Variants in ALPK2 observed in about 807,000 individuals in gnomAD.
ALPK2 encodes alpha-protein kinase 2.
ALPK2 carries 127 observed loss-of-function variants against 163.1 expected under a neutral mutation model. The ratio of observed to expected loss-of-function variants is 0.78; its 90% CI spans 0.67 to 0.90. The LOEUF (loss-of-function observed/expected upper bound fraction) is 0.90, where lower values mean the gene tolerates loss of function less well. Ranked by LOEUF, ALPK2 falls within the 40% of genes least tolerant of loss-of-function variation. The pLI is 0.00. For missense variants in ALPK2, 2,360 were observed against 2,589.6 expected, an observed-to-expected ratio of 0.91 and a Z score of 1.92; for synonymous variants, 953 against 959.1, an observed-to-expected ratio of 0.99 and a Z score of 0.12.
chr18:58,523,801 C>G lies in ALPK2; in HGVS notation c.5665+5G>C. 1 of 1,614,198 alleles carries G rather than the reference C, an allele frequency of 6.2e-7. No homozygotes were observed. Among genetic ancestry groups the G allele is most frequent in the Non-Finnish European group, 8.5e-7 (1 of 1,180,022 alleles). On this transcript the variant is annotated splice_donor_5th_base_variant and intron_variant, in intron 8 of 12. Coordinates refer to ENST00000361673, the MANE Select transcript of ALPK2 (RefSeq NM_052947.4). ...CCTCTGGCAGGTCAACCCTAACTGA[C>G]TTACCTTTAGTATCCTGGCGACTTG...
intron 1 of ALPK2, among the ~76,000 whole-genome samples, chr18:58,627,225 G>A (rs1378701802): frequency 6.6e-6 from 1 of 152,192 alleles, no homozygotes; most frequent in African/African-American, 2.4e-5. Context: ...AAAAACTCAT[G>A]AAACTGGAGG....
intron 3 of ALPK2, among the ~76,000 whole-genome samples, chr18:58,603,155 T>C (rs1483878926): frequency 6.6e-6 from 1 of 152,234 alleles, no homozygotes; most frequent in Non-Finnish European, 1.5e-5. Context: ...CTCCAAATTC[T>C]TTCTTGTGTG....
chr18:58,605,997 T>C (rs775311527), intron 3 of ALPK2, among the ~76,000 whole-genome samples: 1 of 152,256 alleles, frequency 6.6e-6, no homozygotes, highest in Non-Finnish European at 1.5e-5. Context: ...AATGGGTATC[T>C]CAAATGTTAG....
intron 12 of ALPK2, among the ~76,000 whole-genome samples, chr18:58,497,673 C>CA (rs201935796): frequency 5.3e-5 from 8 of 152,074 alleles, no homozygotes; most frequent in African/African-American, 1.4e-4. Context: ...CATTCAATTG[C>CA]AAAAAAAATT....
chr18:58,556,543 C>T (rs1421344300), intron 4 of ALPK2, among the ~76,000 whole-genome samples: 2 of 150,476 alleles, frequency 1.3e-5, no homozygotes, highest in African/African-American at 4.9e-5. Flanking sequence ...TACGTGTCAG[C>T]TGTTATTAGC....
intron 1 of ALPK2, among the ~76,000 whole-genome samples, chr18:58,614,662 C>T (rs1050943037): frequency 2.0e-5 from 3 of 147,870 alleles, no homozygotes; most frequent in African/African-American, 7.3e-5. Flanking sequence ...GGGCTCAAGC[C>T]ATCCTCCCAC....
At position 58,536,291 on chromosome 18, in the gene ALPK2, C is replaced by A. The variant is rs1416168848; in HGVS notation, c.3896G>T (p.Ser1299Ile). The change falls in exon 5 of 13, where the codon AGT becomes ATT. Residue 1299 changes from serine (S) to isoleucine (I), a missense_variant. Transcript: ENST00000361673. ...APSEIAALAH[S>I]PEDAESALAD... ...AAGGGCTGACTCAGCATCCTCTGGA[C>A]TGTGAGCCAATGCTGCTATTTCAGA... 1 of 1,614,216 alleles carries A rather than the reference C, an allele frequency of 6.2e-7. No individual in the cohort carries two copies. Among genetic ancestry groups the A allele is most frequent in the South Asian group, 1.1e-5 (1 of 91,078 alleles).
chr18:58,537,457 A>AT lies in ALPK2; in HGVS notation c.2729dup (p.Asn910LysfsTer32). ...AGGTGGAATTCTCCACCTTGGCTAG[A>AT]TTTTCTCCTGTGGCACCTTCACTAG... is the stretch of plus-strand genomic sequence containing the variant. On this transcript the variant is annotated frameshift_variant, in exon 5 of 13. Transcript: ENST00000361673. LOFTEE classifies it high-confidence loss of function. 8.1e-6 allele frequency: 13 copies of AT among 1,612,230 alleles called. No homozygotes were observed. The highest frequency in any genetic ancestry group is 1.1e-5 in the Non-Finnish European group (13 of 1,178,766).
rs777103869 is a variant in ALPK2, at chr18:58,578,733, G to GACACACACACGCGCGCGCAC, written c.1962+80_1962+81insGTGCGCGCGCGTGTGTGTGT. ...ATTGTGAATGTGAAGTAAAGGAAGAGACACACACACACACACACACACACA... is the reference window on the plus strand; with the variant it reads ...ATTGTGAATGTGAAGTAAAGGAAGAGACACACACACGCGCGCGCACACACACACACACACACACACACACA... On this transcript the variant is annotated intron_variant, in intron 4 of 12. Transcript: ENST00000361673. 9.3e-4 allele frequency: 496 copies of GACACACACACGCGCGCGCAC among 533,358 alleles called. 4 individuals are homozygous for GACACACACACGCGCGCGCAC. The African/African-American group carries it at 0.01, about 11-fold the overall frequency. The allele number at this position is 533,358 out of a possible 1,614,324, so 33.0% of individuals were successfully genotyped here. A position where few individuals can be genotyped will look rare whatever the true frequency, so the allele number is the denominator to read the frequency against.
chr18:58,538,318 C>A, intron 4 of ALPK2, 94 bp from the exon 5 acceptor site: 1 of 1,120,634 alleles, frequency 8.9e-7, no homozygotes, highest in Non-Finnish European at 1.3e-6. Context: ...TCCTCAATGA[C>A]CGTAATAATG....
chr18:58,601,708 A>T (rs1023533565), intron 3 of ALPK2, among the ~76,000 whole-genome samples: 2 of 152,072 alleles, frequency 1.3e-5, no homozygotes, highest in Non-Finnish European at 2.9e-5. Context: ...ACCACACTGG[A>T]CCTTCCAGCC....
At chr18:58,486,025 C>A (rs1337313149) in intron 12 of ALPK2, among the ~76,000 whole-genome samples, 1 of 152,232 alleles carries the variant, frequency 6.6e-6, no homozygotes, top group African/African-American at 2.4e-5. Flanking sequence ...CACTCCCTTG[C>A]CGGCAGGTGT....
chr18:58,573,489 C>T (rs1201870955), intron 4 of ALPK2, among the ~76,000 whole-genome samples: 3 of 148,194 alleles, frequency 2.0e-5, no homozygotes, highest in East Asian at 3.9e-4. Context: ...GCGAGTCCAA[C>T]GGCCTTGGAT....
At chr18:58,556,684 G>A (rs750784538) in intron 4 of ALPK2, among the ~76,000 whole-genome samples, 3 of 152,110 alleles carry the variant, frequency 2.0e-5, no homozygotes, top group Admixed American at 6.5e-5. Flanking sequence ...GAAATGCATG[G>A]TCTCAGGCTC....
At chr18:58,508,534 C>T (rs2051472931) in intron 10 of ALPK2, among the ~76,000 whole-genome samples, 1 of 152,188 alleles carries the variant, frequency 6.6e-6, no homozygotes. Flanking sequence ...TAAATCCTAC[C>T]AAAACCAAGA....
intron 12 of ALPK2, 76 bp from the exon 13 acceptor site, chr18:58,482,115 A>T: frequency 9.3e-7 from 1 of 1,079,222 alleles, no homozygotes; most frequent in Non-Finnish European, 1.4e-6. Flanking sequence ...AAAACTTGAA[A>T]GGGAAAACTA....
rs1877264298 is a variant in ALPK2, at chr18:58,616,619, G to A, written c.-20-4802C>T. On this transcript the variant is annotated intron_variant, in intron 1 of 12. Coordinates refer to ENST00000361673, the MANE Select transcript of ALPK2 (RefSeq NM_052947.4). ...GAACACGTGGAGGCTGACAGGAGGT[G>A]AAGAACTCATCCACACACTGGGAGG... Among the ~76,000 whole-genome samples the A allele has an allele frequency of 2.0e-5, 3 of 152,296 alleles. No homozygotes were observed. In the South Asian group the frequency reaches 6.2e-4, roughly 32 times the overall value.
chr18:58,587,773 T>TAA lies in ALPK2; in HGVS notation c.228-7227_228-7226dup, dbSNP rs936816916. Among the ~76,000 whole-genome samples the TAA allele has an allele frequency of 2.0e-4, 31 of 151,954 alleles. 1 individual carries two copies. The highest frequency in any genetic ancestry group is 7.0e-4 in the African/African-American group (29 of 41,370). ...GGTATACCAGCTTACAATATATATATAATGAGAGTCCCCATAGGAGAGAAG... is the reference window on the plus strand; with the variant it reads ...GGTATACCAGCTTACAATATATATATAAAATGAGAGTCCCCATAGGAGAGAAG... On this transcript the variant is annotated intron_variant, in intron 3 of 12. Coordinates refer to ENST00000361673, the MANE Select transcript of ALPK2 (RefSeq NM_052947.4).
At chr18:58,596,089 T>G (rs1456733227) in intron 3 of ALPK2, among the ~76,000 whole-genome samples, 1 of 152,212 alleles carries the variant, frequency 6.6e-6, no homozygotes. Flanking sequence ...ATGCACTGTG[T>G]GGCTGTTAAG....
Sources: allele counts gnomAD v4.1 joint callset (sites outside exome capture counted in the v4.1 genomes callset), GRCh38; gene constraint gnomAD v4.1.1; transcripts MANE v1.5; gene names NCBI Gene and HGNC (gene_info 2026-07-23, HGNC 2026-07-21).